Variants in RBFOX1 observed in about 807,000 individuals in gnomAD.
RBFOX1 encodes the protein RNA binding fox-1 homolog 1.
RBFOX1 carries 8 observed loss-of-function variants against 57.7 expected under a neutral mutation model. The ratio of observed to expected loss-of-function variants is 0.14; its 90% CI spans 0.08 to 0.25. RBFOX1 has a LOEUF of 0.25. Among genes scored for constraint, RBFOX1 ranks in the 10% least tolerant of loss-of-function variants. The pLI, the probability that RBFOX1 is intolerant of heterozygous loss-of-function variation, is 1.00. For missense variants in RBFOX1, 611 were observed against 548.5 expected, an observed-to-expected ratio of 1.11 and a Z score of -1.14; for synonymous variants, 326 against 222.4, an observed-to-expected ratio of 1.47 and a Z score of -4.15.
intron 3 of RBFOX1, among the ~76,000 whole-genome samples, chr16:6,719,144 G>A (rs1032306706): frequency 4.6e-5 from 7 of 152,128 alleles, no homozygotes; most frequent in African/African-American, 1.7e-4. Context: ...TGGGATTATA[G>A]GCATGAGCCA....
chr16:7,408,579 C>G (rs4640203), intron 4 of RBFOX1, among the ~76,000 whole-genome samples: 78,438 of 152,090 alleles, frequency 0.52, 21,431 homozygotes, highest in East Asian at 0.88. Context: ...TTCCTGATAA[C>G]TGACTTGATA....
intron 2 of RBFOX1, among the ~76,000 whole-genome samples, chr16:5,519,600 C>A (rs1264373600): frequency 6.6e-6 from 1 of 152,024 alleles, no homozygotes; most frequent in Non-Finnish European, 1.5e-5. Flanking sequence ...TGGTGTATAC[C>A]TGTGGTTTCA....
chr16:6,256,257 GTGTA>G (rs2097665542), intron 1 of RBFOX1, among the ~76,000 whole-genome samples: 2 of 98,834 alleles, frequency 2.0e-5, no homozygotes, highest in Admixed American at 1.1e-4. Flanking sequence ...GTATATATAT[GTGTA>G]TATATATATG....
chr16:5,418,621 C>G (rs1452610538), intron 1 of RBFOX1, among the ~76,000 whole-genome samples: 1 of 152,056 alleles, frequency 6.6e-6, no homozygotes, highest in Non-Finnish European at 1.5e-5. Context: ...AGATGACTTC[C>G]TAACCACCCC....
chr16:6,582,982 C>A (rs1338835928), intron 2 of RBFOX1, among the ~76,000 whole-genome samples: 1 of 151,612 alleles, frequency 6.6e-6, no homozygotes, highest in African/African-American at 2.4e-5. Flanking sequence ...TTCTGGACCT[C>A]CCTCTTCCTC....
chr16:6,795,239 T>C (rs563141005), intron 3 of RBFOX1, among the ~76,000 whole-genome samples: 1 of 152,248 alleles, frequency 6.6e-6, no homozygotes, highest in African/African-American at 2.4e-5. Context: ...ACAAACCACC[T>C]AAATTTTTTA....
intron 3 of RBFOX1, among the ~76,000 whole-genome samples, chr16:5,768,931 C>T (rs1178802070): frequency 6.6e-6 from 1 of 151,168 alleles, no homozygotes; most frequent in African/African-American, 2.4e-5. Context: ...TTTAGATTAT[C>T]AGATGAAAAA....
chr16:6,641,788 C>G (rs965568582), intron 2 of RBFOX1, among the ~76,000 whole-genome samples: 2 of 142,588 alleles, frequency 1.4e-5, no homozygotes, highest in Non-Finnish European at 3.0e-5. Context: ...ATAGGTTCTG[C>G]CCTGAGCCTT....
intron 1 of RBFOX1, among the ~76,000 whole-genome samples, chr16:5,393,427 C>T (rs996842318): frequency 6.6e-6 from 1 of 152,198 alleles, no homozygotes; most frequent in Non-Finnish European, 1.5e-5. Context: ...CCTACCCCTT[C>T]AGTGGTTAAG....
rs1270718650 is a variant in RBFOX1, at chr16:5,946,257, C to G, written c.351+78922C>G. 6.6e-6 allele frequency among the ~76,000 whole-genome samples: 1 copy of G among 152,290 alleles called. No individual in the cohort carries two copies. Among genetic ancestry groups the G allele is most frequent in the East Asian group, 1.9e-4 (1 of 5,164 alleles). ...CTAAGTGTCTCTAAGTCTCAGCTTT[C>G]TAATCTGTAAAAGGGACACAATCAT... On this transcript the variant is annotated intron_variant, in intron 4 of 19. Coordinates refer to the RBFOX1 transcript ENST00000641259. This position sits in a 1 kb window ranked among gnomAD's most constrained non-coding sequence, Gnocchi z 4.6.
intron 2 of RBFOX1, among the ~76,000 whole-genome samples, chr16:6,563,880 G>T (rs1421513719): frequency 6.6e-6 from 1 of 151,234 alleles, no homozygotes; most frequent in Non-Finnish European, 1.5e-5. Context: ...GTATATGTAT[G>T]TGTGTGTGTG....
At position 7,065,358 on chromosome 16, in the gene RBFOX1, C is replaced by T. The variant is rs536452091; in HGVS notation, c.27+13260C>T. 4.6e-4 allele frequency among the ~76,000 whole-genome samples: 70 copies of T among 152,148 alleles called. 1 individual carries two copies. The highest frequency in any genetic ancestry group is 1.7e-3 in the African/African-American group (69 of 41,498). On this transcript the variant is annotated intron_variant, in intron 4 of 15. Transcript: ENST00000550418. ...CGTCTCATCTTGAATGCCACCTTTCCCCTGATACACTCCACCTGCCCACTC... is the reference window on the plus strand; with the variant it reads ...CGTCTCATCTTGAATGCCACCTTTCTCCTGATACACTCCACCTGCCCACTC...
chr16:6,508,780 A>G (rs543548251), intron 2 of RBFOX1, among the ~76,000 whole-genome samples: 1 of 152,260 alleles, frequency 6.6e-6, no homozygotes, highest in East Asian at 1.9e-4. Context: ...TATTAAATTT[A>G]GAGAAGAAAT....
chr16:6,518,438 G>A (rs1162458485), intron 2 of RBFOX1, among the ~76,000 whole-genome samples: 1 of 152,132 alleles, frequency 6.6e-6, no homozygotes, highest in East Asian at 1.9e-4. Flanking sequence ...TGATGACCGT[G>A]TGTCATTTCA....
chr16:7,274,672 A>C (rs1406614946), intron 4 of RBFOX1, among the ~76,000 whole-genome samples: 1 of 148,998 alleles, frequency 6.7e-6, no homozygotes, highest in African/African-American at 2.5e-5. Context: ...ATAGAGCATT[A>C]GGTTTTTTTT....
intron 3 of RBFOX1, among the ~76,000 whole-genome samples, chr16:6,956,797 G>A (rs1006814049): frequency 2.0e-5 from 3 of 152,172 alleles, no homozygotes; most frequent in South Asian, 2.1e-4. Context: ...TATCTCATGT[G>A]GTTGCAGACA....
intron 2 of RBFOX1, among the ~76,000 whole-genome samples, chr16:6,646,213 C>G (rs867540249): frequency 1.8e-4 from 27 of 152,104 alleles, no homozygotes; most frequent in African/African-American, 5.8e-4. Flanking sequence ...GACACCGGCT[C>G]TAGGCAGCGT....
rs146888156 is a variant in RBFOX1 at position 6,378,051 on chromosome 16, C to G, written c.-64+60994C>G. 6.0e-3 allele frequency among the ~76,000 whole-genome samples: 921 copies of G among 152,334 alleles called. 13 individuals are homozygous for G. The highest frequency in any genetic ancestry group is 0.021 in the African/African-American group (854 of 41,582). On this transcript the variant is annotated intron_variant, in intron 2 of 15. Transcript: ENST00000550418. ...CTGCGTCCTCTGGTCTTCTAGCATC[C>G]TGGATAGGCCGTGTATGTTTAGAAA...
intron 4 of RBFOX1, among the ~76,000 whole-genome samples, chr16:7,473,205 C>A (rs573585198): frequency 4.0e-5 from 6 of 151,894 alleles, no homozygotes; most frequent in African/African-American, 1.5e-4. Flanking sequence ...TGGCAAAACG[C>A]CATTTCTACT....
Sources: gnomAD v4.1 joint callset for allele counts (sites outside exome capture counted in the v4.1 genomes callset) on GRCh38, gnomAD v4.1.1 for gene constraint, Gnocchi (gnomAD v3.1) non-coding constraint, MANE v1.5 for transcripts, NCBI Gene and HGNC (gene_info 2026-07-23, HGNC 2026-07-21) for gene names.